Variants in MCMBP observed in about 807,000 individuals in gnomAD.
The protein encoded by MCMBP is mini-chromosome maintenance complex-binding protein.
Under a neutral mutation model 81.3 loss-of-function variants are expected in MCMBP, and 31 were observed. The ratio of observed to expected loss-of-function variants is 0.38; its 90% CI spans 0.29 to 0.51. The LOEUF is 0.51. MCMBP is among the 20% of genes least tolerant of loss of function. The probability of loss-of-function intolerance (pLI) is 0.87; values close to 1 mark genes in which losing one functional copy is unlikely to be tolerated. For missense variants in MCMBP, 645 were observed against 772.1 expected (o/e 0.84, Z 1.95); for synonymous variants, 267 against 275.9 (o/e 0.97, Z 0.32).
At chr10:119,865,613 T>A (rs1853423481) in intron 1 of MCMBP, among the ~76,000 whole-genome samples, 2 of 152,130 alleles carry the variant, frequency 1.3e-5, no homozygotes, top group African/African-American at 4.8e-5. Context: ...CATCCCTAGG[T>A]ATATCTGGGA....
chr10:119,847,037 T>C (rs2134363490), intron 8 of MCMBP, among the ~76,000 whole-genome samples: 1 of 152,264 alleles, frequency 6.6e-6, no homozygotes, highest in South Asian at 2.1e-4. Context: ...CCCTTCTCTA[T>C]GTTGTAAAAA....
At chr10:119,851,706 G>A (rs922168315) in intron 6 of MCMBP, among the ~76,000 whole-genome samples, 2 of 151,940 alleles carry the variant, frequency 1.3e-5, no homozygotes, top group South Asian at 2.1e-4. Context: ...AGAATACTAC[G>A]ACATTTATAT....
chr10:119,840,813 G>C, intron 11 of MCMBP, 30 bp downstream of exon 11: 1 of 1,347,714 alleles, frequency 7.4e-7, no homozygotes, highest in Non-Finnish European at 1.0e-6. Flanking sequence ...GTGTGCTTAG[G>C]TTTATAATAC....
intron 9 of MCMBP, 66 bp from the exon 10 acceptor site, chr10:119,842,661 A>C (rs1852474367): frequency 6.5e-7 from 1 of 1,541,666 alleles, no homozygotes; most frequent in Non-Finnish European, 8.7e-7. Flanking sequence ...TCTTAGGTAA[A>C]AAAATAACTA....
intron 8 of MCMBP, 139 bp downstream of exon 8, chr10:119,847,474 A>G (rs117007247): frequency 0.013 from 6,556 of 489,710 alleles, 64 homozygotes; most frequent in Middle Eastern, 0.015. Context: ...ATGACAAAAC[A>G]CATGGGGTGC....
At chr10:119,844,027 A>G (rs1185515286) in intron 8 of MCMBP, among the ~76,000 whole-genome samples, 2 of 152,226 alleles carry the variant, frequency 1.3e-5, no homozygotes, top group South Asian at 2.1e-4. Flanking sequence ...TCATAAGGCT[A>G]TTTCAAAACA....
intron 1 of MCMBP, among the ~76,000 whole-genome samples, chr10:119,861,937 C>T (rs1853269717): frequency 6.6e-6 from 1 of 152,002 alleles, no homozygotes; most frequent in South Asian, 2.1e-4. Context: ...AGATGGAGGT[C>T]TCCCTATGTT....
intron 1 of MCMBP, among the ~76,000 whole-genome samples, chr10:119,868,196 G>A (rs983242591): frequency 2.6e-5 from 4 of 152,140 alleles, no homozygotes; most frequent in African/African-American, 9.7e-5. Context: ...AGGCCAAGTG[G>A]GGGCAGATCA....
chr10:119,864,006 T>TA (rs528533846), intron 1 of MCMBP, among the ~76,000 whole-genome samples: 16,664 of 144,694 alleles, frequency 0.12, 955 homozygotes, highest in South Asian at 0.17. Context: ...CAGTTGAACT[T>TA]AAAAAAAAAA....
At chr10:119,861,168 T>G (rs781758668) in intron 1 of MCMBP, among the ~76,000 whole-genome samples, 2 of 152,210 alleles carry the variant, frequency 1.3e-5, no homozygotes, top group African/African-American at 4.8e-5. Context: ...TGGAGCTGCA[T>G]CTGTTGAAAA....
chr10:119,856,913 C>T (rs1282775715), intron 5 of MCMBP, among the ~76,000 whole-genome samples: 1 of 151,862 alleles, frequency 6.6e-6, no homozygotes, highest in Non-Finnish European at 1.5e-5. Context: ...CCAGCTTGGG[C>T]AACAAAGTGA....
chr10:119,848,388 G>T (rs1032196712), intron 7 of MCMBP, among the ~76,000 whole-genome samples: 2 of 152,052 alleles, frequency 1.3e-5, no homozygotes, highest in Admixed American at 6.6e-5. Flanking sequence ...GAGGTGGGTG[G>T]GTCACTTGAG....
chr10:119,840,335 A>G (rs572419713), intron 11 of MCMBP, among the ~76,000 whole-genome samples: 42 of 152,266 alleles, frequency 2.8e-4, no homozygotes, highest in African/African-American at 9.4e-4. Flanking sequence ...AGTGATCAGT[A>G]TTTTCAGTCA....
At chr10:119,839,579 A>G (rs1852363161) in intron 11 of MCMBP, among the ~76,000 whole-genome samples, 1 of 152,174 alleles carries the variant, frequency 6.6e-6, no homozygotes, top group Admixed American at 6.5e-5. Context: ...TGTTTCAATA[A>G]TTCTCAAAAT....
chr10:119,832,315 A>G (rs1408913758), intron 14 of MCMBP, among the ~76,000 whole-genome samples: 1 of 152,224 alleles, frequency 6.6e-6, no homozygotes, highest in African/African-American at 2.4e-5. Flanking sequence ...CATATAAATC[A>G]GCAACTGGCA....
chr10:119,831,865 TCC>T lies in MCMBP; in HGVS notation c.1796+145_1796+146del, dbSNP rs368478566. ...GAAGAGATCACCAGCCAAACTCGAT[TCC>T]CCCTCAATGAGCCCTTTCATACAGC... is the stretch of plus-strand genomic sequence containing the variant. On this transcript the variant is annotated intron_variant, in intron 15 of 15. Coordinates refer to ENST00000369077, the MANE Select transcript of MCMBP (RefSeq NM_001256378.2). The T allele has an allele frequency of 1.1e-5, 9 of 823,040 alleles. No homozygotes were observed. The African/African-American group carries it at 1.2e-4, about 11-fold the overall frequency. The allele number at this position is 823,040 out of a possible 1,614,324, so 51.0% of individuals were successfully genotyped here. A position where few individuals can be genotyped will look rare whatever the true frequency, so the allele number is the denominator to read the frequency against.
rs1484345760 is a variant in MCMBP, at chr10:119,852,922, C to A, written c.574+128G>T. ...CTCATCAGAGTACTGTAAAAACTCT[C>A]AACATGTCTGTAACTCTGATAAATT... On this transcript the variant is annotated intron_variant, in intron 6 of 15. Coordinates refer to ENST00000369077, the MANE Select transcript of MCMBP (RefSeq NM_001256378.2). 7 of 1,170,962 alleles carry A rather than the reference C, an allele frequency of 6.0e-6. No homozygotes were observed. In the Admixed American group the frequency reaches 6.5e-5, roughly 11 times the overall value. The allele number at this position is 1,170,962 out of a possible 1,614,324, so 72.5% of individuals were successfully genotyped here. A position where few individuals can be genotyped will look rare whatever the true frequency, so the allele number is the denominator to read the frequency against.
Position 119,853,090 on chromosome 10 carries a change from G to C in MCMBP, c.534C>G (p.Pro178=), listed in dbSNP as rs754467107. ...CTGCATGTTGGTCTTTCTGCTTATT[G>C]GGCTGTAGGTCCATATCGTCATCAT... The part of the protein sequence containing the change: ...YEDDDDMDLQ[P]NKQKDQHAGA... The change falls in exon 6 of 16, where the codon CCC becomes CCG. Residue 178 remains proline (P), a synonymous_variant. Transcript: ENST00000369077. 6.2e-7 allele frequency: 1 copy of C among 1,614,142 alleles called. No homozygotes were observed. Among genetic ancestry groups the C allele is most frequent in the Non-Finnish European group, 8.5e-7 (1 of 1,180,022 alleles).
chr10:119,853,531 C>G (rs1852907814), intron 5 of MCMBP, among the ~76,000 whole-genome samples: 1 of 152,214 alleles, frequency 6.6e-6, no homozygotes, highest in Non-Finnish European at 1.5e-5. Context: ...TGGAGACGTT[C>G]TCCAAACTGC....
Sources: gnomAD v4.1 joint callset for allele counts (sites outside exome capture counted in the v4.1 genomes callset) on GRCh38, gnomAD v4.1.1 for gene constraint, MANE v1.5 for transcripts, NCBI Gene and HGNC (gene_info 2026-07-23, HGNC 2026-07-21) for gene names.